Variants in KIAA0319 observed in about 807,000 individuals in gnomAD.
KIAA0319 encodes KIAA0319.
In KIAA0319, 83 loss-of-function variants were observed where a neutral mutation model predicts 108.4. The observed-to-expected ratio is 0.77, with a 90% CI of 0.64 to 0.92. The LOEUF is 0.92. KIAA0319 is among the 40% of genes least tolerant of loss of function. KIAA0319 has a pLI of 0.00. For synonymous variants in KIAA0319, 484 were observed against 510.4 expected (o/e 0.95, Z 0.70); for missense variants, 1,195 against 1,322.4 (o/e 0.90, Z 1.49).
At chr6:24,550,506 G>C (rs1427544592) in intron 20 of KIAA0319, among the ~76,000 whole-genome samples, 1 of 152,204 alleles carries the variant, frequency 6.6e-6, no homozygotes, top group Non-Finnish European at 1.5e-5. Flanking sequence ...TAATAAACGA[G>C]AATGAAAAAG....
chr6:24,596,226 G>C lies in KIAA0319; in HGVS notation c.448C>G (p.Leu150Val). ...DLTFLGKDWG[L>V]EEMSEYSDDY... Reference sequence around the variant, plus strand: ...TCTGAGTACTCAGACATCTCCTCTAGGCCCCAATCTTTGCCTAGAAAGGTC... The same window carrying C: ...TCTGAGTACTCAGACATCTCCTCTACGCCCCAATCTTTGCCTAGAAAGGTC... Residue 150 changes from leucine to valine, a missense_variant, in exon 3 of 21, where the codon CTA (leucine) becomes GTA (valine). Coordinates refer to ENST00000378214, the MANE Select transcript of KIAA0319 (RefSeq NM_014809.4). The C allele has an allele frequency of 6.2e-7, 1 of 1,614,134 alleles. No individual in the cohort carries two copies. The highest frequency in any genetic ancestry group is 1.1e-5 in the South Asian group (1 of 91,082).
intron 2 of KIAA0319, chr6:24,598,950 G>T: frequency 1.6e-6 from 1 of 608,008 alleles, no homozygotes; most frequent in South Asian, 1.7e-5. Flanking sequence ...GAGGGATGTG[G>T]ATGAAGCTTA....
At chr6:24,623,900 T>C (rs1181722286) in intron 1 of KIAA0319, among the ~76,000 whole-genome samples, 1 of 151,542 alleles carries the variant, frequency 6.6e-6, no homozygotes, top group East Asian at 1.9e-4. Flanking sequence ...ATGTACCCCA[T>C]AAATGTGCAC....
intron 1 of KIAA0319, among the ~76,000 whole-genome samples, chr6:24,626,114 TC>T (rs1471697867): frequency 6.6e-6 from 1 of 152,242 alleles, no homozygotes; most frequent in Non-Finnish European, 1.5e-5. Flanking sequence ...TTTGTACCAT[TC>T]TATTTACATG....
downstream of KIAA0319, among the ~76,000 whole-genome samples, chr6:24,543,387 T>TTGTA (rs945161411): frequency 2.6e-5 from 4 of 152,168 alleles, no homozygotes; most frequent in Admixed American, 2.6e-4. Flanking sequence ...AAGCATCAAA[T>TTGTA]TGTATTATGT....
intron 1 of KIAA0319, among the ~76,000 whole-genome samples, chr6:24,610,758 T>C (rs749750446): frequency 1.8e-4 from 27 of 152,080 alleles, no homozygotes; most frequent in Non-Finnish European, 3.2e-4. Context: ...CTATGGTTTT[T>C]TTGAGCCAAG....
Position 24,556,422 on chromosome 6 carries a change from C to T in KIAA0319, c.2857+185G>A, listed in dbSNP as rs534840898. Among the ~76,000 whole-genome samples, 18 of 152,312 alleles carry T rather than the reference C, an allele frequency of 1.2e-4. No homozygotes were observed. The South Asian group carries it at 3.3e-3, about 28-fold the overall frequency. Reference sequence around the variant, plus strand: ...TCTCAAGCAATCCTCCCACCTCAGCCTCCTGAGTAGCAGAGACTACAGGCA... The same window carrying T: ...TCTCAAGCAATCCTCCCACCTCAGCTTCCTGAGTAGCAGAGACTACAGGCA... On this transcript the variant is annotated intron_variant, in intron 18 of 20. Transcript: ENST00000378214.
At chr6:24,569,089 T>C (rs200204818) in intron 12 of KIAA0319, among the ~76,000 whole-genome samples, 160 bp from the exon 13 acceptor site, 34 of 152,334 alleles carry the variant, frequency 2.2e-4, no homozygotes, top group East Asian at 5.8e-4. Flanking sequence ...TCTAGTTCAG[T>C]GTAAGAGTCA....
At chr6:24,574,678 A>T (rs1337903234) in intron 10 of KIAA0319, among the ~76,000 whole-genome samples, 1 of 152,206 alleles carries the variant, frequency 6.6e-6, no homozygotes, top group East Asian at 1.9e-4. Flanking sequence ...GTCTATAGAT[A>T]AATGTTTCTA....
chr6:24,556,004 C>T (rs919721055), intron 18 of KIAA0319, among the ~76,000 whole-genome samples: 2 of 152,220 alleles, frequency 1.3e-5, no homozygotes, highest in Non-Finnish European at 2.9e-5. Context: ...AAAGCCTAAA[C>T]ACATCCCACA....
At chr6:24,641,537 T>C (rs147072544) in intron 1 of KIAA0319, among the ~76,000 whole-genome samples, 6 of 152,296 alleles carry the variant, frequency 3.9e-5, no homozygotes, top group East Asian at 1.9e-4. Flanking sequence ...ATAGGAAACA[T>C]TGAAGACTAG....
At chr6:24,644,044 G>A (rs1457308125) in intron 1 of KIAA0319, among the ~76,000 whole-genome samples, 1 of 152,354 alleles carries the variant, frequency 6.6e-6, no homozygotes, top group Non-Finnish European at 1.5e-5. Flanking sequence ...TTCATTCAAC[G>A]TTGGTGACAA....
At chr6:24,616,493 G>A (rs1438964364) in intron 1 of KIAA0319, among the ~76,000 whole-genome samples, 1 of 152,122 alleles carries the variant, frequency 6.6e-6, no homozygotes, top group African/African-American at 2.4e-5. Flanking sequence ...GAGTGGCTGG[G>A]ACCATGCACG....
chr6:24,622,897 G>C (rs577199831), intron 1 of KIAA0319, among the ~76,000 whole-genome samples: 12 of 152,188 alleles, frequency 7.9e-5, no homozygotes, highest in African/African-American at 2.9e-4. Flanking sequence ...AAATTAGTCG[G>C]ACATGGTGGC....
At chr6:24,549,627 T>G (rs1761175626) in intron 20 of KIAA0319, among the ~76,000 whole-genome samples, 1 of 152,324 alleles carries the variant, frequency 6.6e-6, no homozygotes, top group African/African-American at 2.4e-5. Flanking sequence ...TGCTAAACTT[T>G]CCTTTGCCTC....
At chr6:24,618,705 G>C (rs150044719) in intron 1 of KIAA0319, among the ~76,000 whole-genome samples, 88 of 151,250 alleles carry the variant, frequency 5.8e-4, no homozygotes, top group African/African-American at 1.9e-3. Flanking sequence ...AGAAAGACAA[G>C]AGTATTAGGT....
chr6:24,561,470 G>A (rs1300102168), intron 16 of KIAA0319, among the ~76,000 whole-genome samples: 1 of 152,138 alleles, frequency 6.6e-6, no homozygotes, highest in East Asian at 1.9e-4. Flanking sequence ...ATTTATGTCT[G>A]TTTAGGAATT....
chr6:24,553,030 A>C lies in KIAA0319; in HGVS notation c.2949-1505T>G, dbSNP rs139168572. ...GCATGGGGTTCTGGAAGATTTGGCCAGTGAGGTAGCTTGAGGCTTCTCAGG... is the reference window on the plus strand; with the variant it reads ...GCATGGGGTTCTGGAAGATTTGGCCCGTGAGGTAGCTTGAGGCTTCTCAGG... On this transcript the variant is annotated intron_variant, in intron 19 of 20. Transcript: ENST00000378214. Among the ~76,000 whole-genome samples, 867 of 152,256 alleles carry C rather than the reference A, an allele frequency of 5.7e-3. 3 individuals are homozygous for C. The highest frequency in any genetic ancestry group is 0.01 in the Admixed American group (154 of 15,286).
rs1761487270 is a variant in KIAA0319 at position 24,551,428 on chromosome 6, T to C, written c.3040+6A>G. The C allele has an allele frequency of 6.3e-7, 1 of 1,587,228 alleles. No individual in the cohort carries two copies. On this transcript the variant is annotated splice_donor_region_variant and intron_variant, in intron 20 of 20. Transcript: ENST00000378214. ...TGCCAGGCAGTCATTCTGCAGACTGTCTTACCATATTTGGGCCTCAGTTCC... is the reference window on the plus strand; with the variant it reads ...TGCCAGGCAGTCATTCTGCAGACTGCCTTACCATATTTGGGCCTCAGTTCC...
Sources: allele counts gnomAD v4.1 joint callset (sites outside exome capture counted in the v4.1 genomes callset), GRCh38; gene constraint gnomAD v4.1.1; transcripts MANE v1.5; gene names NCBI Gene and HGNC (gene_info 2026-07-23, HGNC 2026-07-21).